CTPS2: variants seen among roughly 807,000 people sequenced by gnomAD.
CTPS2 encodes CTP synthase II.
Under a neutral mutation model 46.8 loss-of-function variants are expected in CTPS2, and 19 were observed. The ratio of observed to expected loss-of-function variants is 0.41; its 90% CI spans 0.28 to 0.60. The LOEUF (loss-of-function observed/expected upper bound fraction) is 0.60, where lower values mean the gene tolerates loss of function less well. CTPS2 is among the 20% of genes least tolerant of loss of function. CTPS2 has a pLI of 0.35. For missense variants in CTPS2, 286 were observed against 447.6 expected, an observed-to-expected ratio of 0.64 and a Z score of 3.26; for synonymous variants, 151 against 165.2, an observed-to-expected ratio of 0.91 and a Z score of 0.66.
chrX:16,611,826 C>T (rs189204718), intron 16 of CTPS2, among the ~76,000 whole-genome samples: 298 of 112,150 alleles, frequency 2.7e-3, no homozygotes, highest in African/African-American at 9.0e-3. Flanking sequence ...GGTAAGAAAG[C>T]CTGATAAGGG....
chrX:16,651,201 G>T (rs1932610912), intron 13 of CTPS2: 1 of 968,820 alleles, frequency 1.0e-6, no homozygotes, highest in Non-Finnish European at 1.5e-6. Flanking sequence ...GAGGGAGGGA[G>T]GGGAGAGGAC....
Position 16,698,219 on chromosome X carries a change from G to A in CTPS2, c.438+17C>T. On this transcript the variant is annotated intron_variant, in intron 4 of 18. Transcript: ENST00000359276. Reference sequence around the variant, plus strand: ...ACCCAGCAGGATATAATTTTATAAAGAAAGTTCTATGCTTGCCTCAATAAC... The same window carrying A: ...ACCCAGCAGGATATAATTTTATAAAAAAAGTTCTATGCTTGCCTCAATAAC... 9.0e-7 allele frequency: 1 copy of A among 1,113,368 alleles called. No individual in the cohort carries two copies. Among genetic ancestry groups the A allele is most frequent in the Non-Finnish European group, 1.2e-6 (1 of 807,684 alleles). The allele number at this position is 1,113,368 out of a possible 1,213,427, so 91.8% of individuals were successfully genotyped here.
rs749101186 is a variant in CTPS2, at chrX:16,678,027, T to C, written c.1094+335A>G. Among the ~76,000 whole-genome samples, 5 of 112,192 alleles carry C rather than the reference T, an allele frequency of 4.5e-5. No individual in the cohort carries two copies. The South Asian group carries it at 1.8e-3, about 41-fold the overall frequency. ...AGAGAGAAAAAAAAAGCTGTCATTC[T>C]TGTACTTTAACTTTGCATATGTAAG... On this transcript the variant is annotated intron_variant, in intron 10 of 18. Coordinates refer to ENST00000359276, the MANE Select transcript of CTPS2 (RefSeq NM_175859.3).
chrX:16,686,033 G>A (rs1420789193), intron 8 of CTPS2, among the ~76,000 whole-genome samples: 1 of 110,351 alleles, frequency 9.1e-6, no homozygotes, highest in South Asian at 3.9e-4. Context: ...GCCTCCGTTT[G>A]GCTCCTTGCA....
chrX:16,688,199 A>G (rs945355829), intron 8 of CTPS2, among the ~76,000 whole-genome samples: 1 of 111,341 alleles, frequency 9.0e-6, no homozygotes, highest in African/African-American at 3.3e-5. Context: ...GAAGTTCGAG[A>G]CCAGCCTGGC....
chrX:16,595,044 T>A, intron 17 of CTPS2, among the ~76,000 whole-genome samples: 1 of 112,496 alleles, frequency 8.9e-6, no homozygotes, highest in East Asian at 2.8e-4. Flanking sequence ...GCCGGGTTCA[T>A]TTCTGTTTCA....
intron 15 of CTPS2, among the ~76,000 whole-genome samples, chrX:16,619,544 C>T (rs948935305): frequency 2.7e-5 from 3 of 110,958 alleles, no homozygotes; most frequent in African/African-American, 9.8e-5. Context: ...GAGATAACCA[C>T]AGAGACAACA....
chrX:16,669,709 A>G (rs755258439), intron 11 of CTPS2, among the ~76,000 whole-genome samples: 1 of 110,007 alleles, frequency 9.1e-6, no homozygotes, highest in African/African-American at 3.3e-5. Flanking sequence ...AAGAGCAGGT[A>G]ATGGGGGGAA....
chrX:16,646,975 A>G (rs775598993), intron 13 of CTPS2, among the ~76,000 whole-genome samples: 1 of 111,262 alleles, frequency 9.0e-6, no homozygotes, highest in East Asian at 2.8e-4. Flanking sequence ...TTCAAAACGC[A>G]CTCTTGTGAA....
At chrX:16,656,512 G>C (rs1470190421) in intron 13 of CTPS2, among the ~76,000 whole-genome samples, 16 of 110,057 alleles carry the variant, frequency 1.5e-4, no homozygotes, top group Admixed American at 8.7e-4. Flanking sequence ...CGGGTTCACG[G>C]CATTCTCCTG....
At chrX:16,635,463 G>A (rs753235284) in intron 14 of CTPS2, among the ~76,000 whole-genome samples, 1 of 111,208 alleles carries the variant, frequency 9.0e-6, no homozygotes, top group Non-Finnish European at 1.9e-5. Flanking sequence ...ACTTGAGGTT[G>A]GGGGTTCGAG....
chrX:16,662,880 T>C (rs1479317289), intron 13 of CTPS2, among the ~76,000 whole-genome samples: 1 of 111,162 alleles, frequency 9.0e-6, no homozygotes, highest in Non-Finnish European at 1.9e-5. Context: ...TCCTCTGACT[T>C]AGCAACTCCC....
Position 16,698,333 on chromosome X carries a change from A to G in CTPS2, c.341T>C (p.Val114Ala). The G allele has an allele frequency of 8.6e-7, 1 of 1,168,285 alleles. No homozygotes were observed. Among genetic ancestry groups the G allele is most frequent in the Non-Finnish European group, 1.2e-6 (1 of 856,439 alleles). ...GDYLGKTVQV[V>A]PHITDAVQEW... The stretch of plus-strand genomic sequence containing the variant: ...CTGGACAGCATCAGTAATGTGAGGG[A>G]CAACTGTAGAAAGAAGTATTAATAC... The change falls in exon 4 of 19, where the codon GTC (valine) becomes GCC (alanine). Residue 114 changes from valine to alanine, a missense_variant. Physicochemically the swap from Val to Ala is moderately conservative, Grantham distance 64. Coordinates refer to ENST00000359276, the MANE Select transcript of CTPS2 (RefSeq NM_175859.3).
chrX:16,705,185 C>T (rs1924898273), intron 1 of CTPS2, among the ~76,000 whole-genome samples: 1 of 110,352 alleles, frequency 9.1e-6, no homozygotes, highest in Non-Finnish European at 1.9e-5. Context: ...CACTGCACTC[C>T]AGCCTGGGCA....
At chrX:16,590,045 G>A (rs1242122659) in intron 18 of CTPS2, among the ~76,000 whole-genome samples, 1 of 111,874 alleles carries the variant, frequency 8.9e-6, no homozygotes, top group African/African-American at 3.2e-5. Context: ...AATGCCTAGG[G>A]CAATCCAGGC....
At chrX:16,687,932 T>TC (rs1324603431) in intron 8 of CTPS2, among the ~76,000 whole-genome samples, 1 of 110,957 alleles carries the variant, frequency 9.0e-6, no homozygotes, top group African/African-American at 3.3e-5. Flanking sequence ...TGGTATCCCC[T>TC]TATTATATAC....
At chrX:16,659,687 T>C (rs1932899792) in intron 13 of CTPS2, among the ~76,000 whole-genome samples, 1 of 111,620 alleles carries the variant, frequency 9.0e-6, no homozygotes, top group Non-Finnish European at 1.9e-5. Context: ...CTGTATACAC[T>C]GTGGAATGAT....
chrX:16,624,242 T>C (rs1931009012), intron 14 of CTPS2, among the ~76,000 whole-genome samples: 1 of 112,093 alleles, frequency 8.9e-6, no homozygotes, highest in South Asian at 3.7e-4. Flanking sequence ...AAAATCTTTC[T>C]TCATTGCTTA....
At chrX:16,659,625 C>A (rs865824943) in intron 13 of CTPS2, among the ~76,000 whole-genome samples, 1 of 100,092 alleles carries the variant, frequency 1.0e-5, no homozygotes, top group African/African-American at 3.6e-5. Context: ...CACAGAATGA[C>A]AAAAAAAAAA....
Sources: allele counts gnomAD v4.1 joint callset (sites outside exome capture counted in the v4.1 genomes callset), GRCh38; gene constraint gnomAD v4.1.1; transcripts MANE v1.5; gene names NCBI Gene and HGNC (gene_info 2026-07-23, HGNC 2026-07-21).